Variants in GRID2 observed in about 807,000 individuals in gnomAD.
The protein encoded by GRID2 is glutamate receptor ionotropic, delta-2.
GRID2 carries 33 observed loss-of-function variants against 114.8 expected under a neutral mutation model. The observed-to-expected ratio is 0.29, with a 90% CI of 0.22 to 0.38. The LOEUF is 0.38. Among genes scored for constraint, GRID2 ranks in the 10% least tolerant of loss-of-function variants. The pLI, the probability that GRID2 is intolerant of heterozygous loss-of-function variation, is 1.00. For missense variants in GRID2, 1,184 were observed against 1,257.7 expected (o/e 0.94, Z 0.89); for synonymous variants, 505 against 449.9 (o/e 1.12, Z -1.55).
chr4:92,383,850 T>C (rs1729735717), intron 1 of GRID2, among the ~76,000 whole-genome samples: 1 of 151,212 alleles, frequency 6.6e-6, no homozygotes, highest in African/African-American at 2.4e-5. Flanking sequence ...GATATTTAAT[T>C]ATACTTTAAG....
intron 2 of GRID2, among the ~76,000 whole-genome samples, chr4:92,632,451 A>G (rs1006447444): frequency 2.0e-5 from 3 of 151,918 alleles, no homozygotes; most frequent in African/African-American, 7.3e-5. Flanking sequence ...CTGGTCAACA[A>G]TGCAAAACCC....
chr4:92,411,653 G>GTTTATATATATATATATATATATATA, intron 1 of GRID2, among the ~76,000 whole-genome samples: 1 of 98,832 alleles, frequency 1.0e-5, no homozygotes, highest in African/African-American at 4.8e-5. Flanking sequence ...GTGTGTGTGT[G>GTTTATATATATATATATATATATATA]TGTATATATA....
intron 1 of GRID2, among the ~76,000 whole-genome samples, chr4:92,328,853 T>G (rs1397464300): frequency 6.6e-6 from 1 of 152,062 alleles, no homozygotes; most frequent in Non-Finnish European, 1.5e-5. Context: ...TACTGGGAAG[T>G]GTTTTCTCAA....
intron 2 of GRID2, among the ~76,000 whole-genome samples, chr4:92,728,538 A>G (rs1307503298): frequency 1.3e-5 from 2 of 152,012 alleles, no homozygotes; most frequent in Non-Finnish European, 2.9e-5. Context: ...TAAGGAATAT[A>G]AAAGAGAATG....
chr4:92,742,368 T>A (rs979976523), intron 2 of GRID2, among the ~76,000 whole-genome samples: 2 of 152,066 alleles, frequency 1.3e-5, no homozygotes, highest in African/African-American at 4.8e-5. Flanking sequence ...TTTCCCCCTT[T>A]TCCCTTCTGT....
At chr4:92,915,922 T>C (rs1046624404) in intron 2 of GRID2, among the ~76,000 whole-genome samples, 2 of 152,150 alleles carry the variant, frequency 1.3e-5, no homozygotes, top group Admixed American at 1.3e-4. Flanking sequence ...TATTTGTTTT[T>C]ATTTTTGGTA....
chr4:92,781,277 A>G (rs912394800), intron 2 of GRID2, among the ~76,000 whole-genome samples: 2 of 151,978 alleles, frequency 1.3e-5, no homozygotes, highest in African/African-American at 4.8e-5. Context: ...TAACAAAACA[A>G]CAACAAAAAA....
At chr4:92,701,650 T>C (rs1734681470) in intron 2 of GRID2, among the ~76,000 whole-genome samples, 1 of 152,112 alleles carries the variant, frequency 6.6e-6, no homozygotes, top group African/African-American at 2.4e-5. Flanking sequence ...TCAATAAATA[T>C]ATTAGGAAAT....
At chr4:93,186,073 A>G (rs1417992154) in intron 4 of GRID2, among the ~76,000 whole-genome samples, 1 of 152,210 alleles carries the variant, frequency 6.6e-6, no homozygotes, top group Non-Finnish European at 1.5e-5. Flanking sequence ...AAAGGACATG[A>G]ACTCATCCTT....
chr4:92,376,850 G>C (rs1218650610), intron 1 of GRID2, among the ~76,000 whole-genome samples: 2 of 152,118 alleles, frequency 1.3e-5, no homozygotes, highest in African/African-American at 4.8e-5. Flanking sequence ...TTCAGCCAAG[G>C]ATGGAGTAGC....
chr4:92,533,053 GAC>G (rs1388520344), intron 1 of GRID2, among the ~76,000 whole-genome samples: 1 of 152,124 alleles, frequency 6.6e-6, no homozygotes, highest in African/African-American at 2.4e-5. Flanking sequence ...CAGCCTGGGT[GAC>G]AGAGTGAGAT....
intron 1 of GRID2, among the ~76,000 whole-genome samples, chr4:92,500,799 G>A (rs1213707783): frequency 2.6e-5 from 4 of 152,066 alleles, no homozygotes; most frequent in Non-Finnish European, 5.9e-5. Flanking sequence ...GTGAAACAAT[G>A]GTCTAGAAGC....
intron 8 of GRID2, among the ~76,000 whole-genome samples, chr4:93,325,623 G>C (rs1177945142): frequency 6.6e-6 from 1 of 151,836 alleles, no homozygotes; most frequent in Admixed American, 6.6e-5. Flanking sequence ...ATTACTAGAA[G>C]TTCTCCCTCT....
At chr4:92,763,435 A>G (rs1295224097) in intron 2 of GRID2, among the ~76,000 whole-genome samples, 3 of 152,224 alleles carry the variant, frequency 2.0e-5, no homozygotes, top group Admixed American at 6.5e-5. Flanking sequence ...TGGCTCAAAC[A>G]TATTTTTGAA....
intron 9 of GRID2, among the ~76,000 whole-genome samples, chr4:93,422,513 T>A (rs1768388507): frequency 6.6e-6 from 1 of 152,126 alleles, no homozygotes; most frequent in South Asian, 2.1e-4. Flanking sequence ...AAAAATAAAT[T>A]CATGGACCCT....
intron 1 of GRID2, among the ~76,000 whole-genome samples, chr4:92,355,907 T>G (rs1382189601): frequency 1.3e-5 from 2 of 151,806 alleles, no homozygotes; most frequent in African/African-American, 4.8e-5. Context: ...AGTAAAATTT[T>G]TGTTAACTAT....
At chr4:93,753,598 G>A (rs532612325) in intron 14 of GRID2, among the ~76,000 whole-genome samples, 18 of 152,232 alleles carry the variant, frequency 1.2e-4, no homozygotes, top group Non-Finnish European at 2.4e-4. Flanking sequence ...GCGGTGTTTG[G>A]TTTTCTGTCC....
At chr4:93,238,320 T>C (rs373790382) in intron 7 of GRID2, 51 bp from the exon 8 acceptor site, 69 of 1,371,750 alleles carry the variant, frequency 5.0e-5, no homozygotes, top group Non-Finnish European at 6.6e-5. Context: ...TGTTTATTTA[T>C]TTATTTTTTT....
chr4:92,903,761 A>G (rs1438781608), intron 2 of GRID2, among the ~76,000 whole-genome samples: 1 of 151,966 alleles, frequency 6.6e-6, no homozygotes, highest in African/African-American at 2.4e-5. Context: ...ATGTCATCGA[A>G]TTATTACACA....
Sources: allele counts gnomAD v4.1 joint callset (sites outside exome capture counted in the v4.1 genomes callset), GRCh38; gene constraint gnomAD v4.1.1; transcripts MANE v1.5; gene names NCBI Gene and HGNC (gene_info 2026-07-23, HGNC 2026-07-21).